The following PCDHA9 variants were observed in gnomAD, a reference collection of about 807,000 sequenced individuals.
PCDHA9 encodes the protein protocadherin alpha 9, also known as protocadherin alpha-9.
PCDHA9 carries 62 observed loss-of-function variants against 62.0 expected under a neutral mutation model. The ratio of observed to expected loss-of-function variants is 1.00; its 90% CI spans 0.81 to 1.23. The LOEUF (loss-of-function observed/expected upper bound fraction) is 1.23. Among genes scored for constraint, PCDHA9 ranks in the 50% most tolerant of loss-of-function variants. PCDHA9 has a pLI of 0.00. For missense variants in PCDHA9, 1,205 were observed against 1,249.8 expected, an observed-to-expected ratio of 0.96 and a Z score of 0.54; for synonymous variants, 557 against 567.6, an observed-to-expected ratio of 0.98 and a Z score of 0.27.
intron 1 of PCDHA9, among the ~76,000 whole-genome samples, chr5:140,892,059 G>A (rs1165045634): frequency 6.6e-6 from 1 of 152,108 alleles, no homozygotes; most frequent in African/African-American, 2.4e-5. Context: ...CAAATTTATT[G>A]TTACTTTGTA....
chr5:140,968,801 G>T, intron 1 of PCDHA9: 1 of 1,614,216 alleles, frequency 6.2e-7, no homozygotes, highest in Non-Finnish European at 8.5e-7. Context: ...CATTACAGTA[G>T]CTGTGGTGGA....
intron 1 of PCDHA9, chr5:140,968,831 C>T (rs1469537973): frequency 1.2e-6 from 2 of 1,614,020 alleles, no homozygotes; most frequent in Non-Finnish European, 8.5e-7. Flanking sequence ...CAAAATCCTC[C>T]CTGACACTCA....
chr5:140,854,117 G>T, intron 1 of PCDHA9: 1 of 316,936 alleles, frequency 3.2e-6, no homozygotes, highest in Non-Finnish European at 4.3e-6. Flanking sequence ...AACTGTGATG[G>T]CACAACTGCA....
intron 2 of PCDHA9, among the ~76,000 whole-genome samples, chr5:140,979,622 T>C (rs1300997272): frequency 6.6e-6 from 1 of 152,246 alleles, no homozygotes; most frequent in Non-Finnish European, 1.5e-5. Flanking sequence ...GGTATTAGTC[T>C]AAGACTCAGA....
chr5:140,926,585 G>T, intron 1 of PCDHA9: 1 of 283,896 alleles, frequency 3.5e-6, no homozygotes, highest in Non-Finnish European at 6.5e-6. Flanking sequence ...CACCTCTCGC[G>T]CCCGGGCGGG....
intron 1 of PCDHA9, among the ~76,000 whole-genome samples, chr5:140,944,533 AG>A (rs1276351803): frequency 6.6e-6 from 1 of 152,148 alleles, no homozygotes; most frequent in Non-Finnish European, 1.5e-5. Flanking sequence ...AAATGATTTA[AG>A]TATTTAAAGA....
chr5:140,924,050 A>T (rs1554201725), intron 1 of PCDHA9, among the ~76,000 whole-genome samples: 1 of 152,250 alleles, frequency 6.6e-6, no homozygotes, highest in African/African-American at 2.4e-5. Flanking sequence ...AAAGTTCGGT[A>T]CATCTTTACA....
At position 140,853,959 on chromosome 5, in the gene PCDHA9, G is replaced by A. The variant is rs2042923125; in HGVS notation, c.2394+3070G>A. 2.7e-6 allele frequency: 2 copies of A among 736,852 alleles called. 1 individual carries two copies. The highest frequency in any genetic ancestry group is 3.4e-6 in the Non-Finnish European group (2 of 589,618). The allele number at this position is 736,852 out of a possible 1,614,324, so 45.6% of individuals were successfully genotyped here. On this transcript the variant is annotated intron_variant, in intron 1 of 3. Transcript: ENST00000532602. ...CAAGGTGGGAGGGTCCCTTCCTTGA[G>A]CCCAGCAGTTTGAGACCAATGTAGT...
chr5:141,008,670 A>G (rs1375302412), intron 3 of PCDHA9, among the ~76,000 whole-genome samples: 1 of 152,218 alleles, frequency 6.6e-6, no homozygotes, highest in Non-Finnish European at 1.5e-5. Flanking sequence ...TACTTTACAT[A>G]TACTTTAGTT....
chr5:140,942,660 A>G (rs145204660), intron 1 of PCDHA9, among the ~76,000 whole-genome samples: 2 of 152,306 alleles, frequency 1.3e-5, no homozygotes, highest in East Asian at 1.9e-4. Context: ...CAGAAAAGCA[A>G]TAAGCACAAA....
chr5:140,936,270 T>C (rs1367001317), intron 1 of PCDHA9, among the ~76,000 whole-genome samples: 1 of 152,226 alleles, frequency 6.6e-6, no homozygotes, highest in African/African-American at 2.4e-5. Flanking sequence ...GAAGATATAT[T>C]CCTGTGTTTT....
intron 1 of PCDHA9, among the ~76,000 whole-genome samples, chr5:140,976,407 C>T (rs781867787): frequency 1.1e-4 from 17 of 151,868 alleles, no homozygotes; most frequent in Non-Finnish European, 2.1e-4. Flanking sequence ...AAAAATTAGC[C>T]AGGTACGGTG....
chr5:140,966,750 C>A, intron 1 of PCDHA9: 1 of 1,428,438 alleles, frequency 7.0e-7, no homozygotes, highest in South Asian at 1.5e-5. Flanking sequence ...CGGCTGCCTC[C>A]GCCGCGGCCA....
At chr5:141,006,363 C>A (rs2098270160) in intron 3 of PCDHA9, among the ~76,000 whole-genome samples, 1 of 152,080 alleles carries the variant, frequency 6.6e-6, no homozygotes, top group Non-Finnish European at 1.5e-5. Context: ...AGGCGCCCAC[C>A]ACCACGCCCG....
At chr5:140,959,203 G>A (rs1554223942) in intron 1 of PCDHA9, among the ~76,000 whole-genome samples, 1 of 152,128 alleles carries the variant, frequency 6.6e-6, no homozygotes. Context: ...ATGGTGAAAT[G>A]CTGTCCTTAC....
chr5:140,933,276 G>T (rs1392004837), intron 1 of PCDHA9, among the ~76,000 whole-genome samples: 2 of 151,892 alleles, frequency 1.3e-5, no homozygotes, highest in Non-Finnish European at 2.9e-5. Context: ...TATTCATTTG[G>T]AACTTGTTTT....
In PCDHA9 at chr5:140,984,045, T is replaced by C. The variant is rs77384794; in HGVS notation, c.2542+1482T>C. Among the ~76,000 whole-genome samples, 455 of 152,316 alleles carry C rather than the reference T, an allele frequency of 3.0e-3. 7 individuals carry two copies. In the East Asian group the frequency reaches 0.044, roughly 15 times the overall value. On this transcript the variant is annotated intron_variant, in intron 3 of 3. Transcript: ENST00000532602. ...AAGGGGAAAAACATAAAATAGTTCA[T>C]TGACAAATCTGTACCCTCAGTGCCA... is the stretch of plus-strand genomic sequence containing the variant.
chr5:140,870,933 G>T, intron 1 of PCDHA9: 1 of 1,613,802 alleles, frequency 6.2e-7, no homozygotes, highest in Non-Finnish European at 8.5e-7. Flanking sequence ...CATATGAATT[G>T]CAGCCGGCGG....
intron 3 of PCDHA9, among the ~76,000 whole-genome samples, chr5:141,004,289 CAG>C (rs1383902638): frequency 1.3e-5 from 2 of 152,130 alleles, no homozygotes; most frequent in Non-Finnish European, 2.9e-5. Context: ...GCTGAGCTCT[CAG>C]AGATGTTTGT....
Sources: allele counts gnomAD v4.1 joint callset (sites outside exome capture counted in the v4.1 genomes callset), GRCh38; gene constraint gnomAD v4.1.1; transcripts MANE v1.5; gene names NCBI Gene and HGNC (gene_info 2026-07-23, HGNC 2026-07-21).